The following SARDH variants were observed in gnomAD, a reference collection of about 807,000 sequenced individuals.
SARDH encodes sarcosine dehydrogenase.
Under a neutral mutation model 109.1 loss-of-function variants are expected in SARDH, and 95 were observed. The ratio of observed to expected loss-of-function variants is 0.87; its 90% CI spans 0.74 to 1.03. SARDH has a LOEUF of 1.03. SARDH is among the 50% of genes least tolerant of loss of function. The pLI is 0.00. For missense variants in SARDH, 1,267 were observed against 1,287.8 expected, an observed-to-expected ratio of 0.98 and a Z score of 0.25; for synonymous variants, 572 against 534.8, an observed-to-expected ratio of 1.07 and a Z score of -0.96.
In SARDH at chr9:133,685,248, C is replaced by T. The variant is rs768950787; in HGVS notation, c.2108G>A (p.Ser703Asn). 1.2e-6 allele frequency: 2 copies of T among 1,614,032 alleles called. No individual in the cohort carries two copies. The highest frequency in any genetic ancestry group is 1.7e-6 in the Non-Finnish European group (2 of 1,179,982). The change falls in exon 17 of 21, where the codon AGC (serine) becomes AAC (asparagine). Residue 703 changes from serine (S) to asparagine (N), a missense_variant. By Grantham distance (46) the Ser-to-Asn change is conservative (BLOSUM62 1). Transcript: ENST00000439388. ...ILQEVLDADL[S>N]NEAFPFSTHK... The stretch of plus-strand genomic sequence containing the variant: ...GGTGGAGAACGGGAAGGCCTCGTTG[C>T]TCAGGTCTGCGTCCAGCACCTCCTG...
At chr9:133,680,010 G>T (rs1372535093) in intron 17 of SARDH, among the ~76,000 whole-genome samples, 2 of 152,216 alleles carry the variant, frequency 1.3e-5, no homozygotes, top group Non-Finnish European at 2.9e-5. Context: ...ATAAATACCT[G>T]GCTCAGGCCC....
chr9:133,732,547 G>A lies in SARDH; in HGVS notation c.386C>T (p.Thr129Ile), dbSNP rs746276632. The change falls in exon 3 of 21, where the codon ACT becomes ATT. Residue 129 changes from threonine (T) to isoleucine (I), a missense_variant. By Grantham distance (89) the Thr-to-Ile change is moderately conservative. Transcript: ENST00000439388. Reference sequence around the variant, plus strand: ...CAGCTCCCGGCTCACCACCCGCCGAGTGTGGGCCAGAAGCTCCACCTCCAC... The same window carrying A: ...CAGCTCCCGGCTCACCACCCGCCGAATGTGGGCCAGAAGCTCCACCTCCAC... ...SDVEVELLAHTRRVVSRELEE... is the reference protein window; with the variant it reads ...SDVEVELLAHIRRVVSRELEE... 3 of 1,613,766 alleles carry A rather than the reference G, an allele frequency of 1.9e-6. No homozygotes were observed. The highest frequency in any genetic ancestry group is 1.7e-6 in the Non-Finnish European group (2 of 1,179,834).
intron 6 of SARDH, among the ~76,000 whole-genome samples, chr9:133,726,950 T>A (rs1315587016): frequency 6.6e-6 from 1 of 152,180 alleles, no homozygotes; most frequent in Non-Finnish European, 1.5e-5. Flanking sequence ...GGGATGGTTA[T>A]GACCCATTTT....
rs373609011 is a variant in SARDH at position 133,713,041 on chromosome 9, C to T, written c.1234G>A (p.Ala412Thr). 87 of 1,610,300 alleles carry T rather than the reference C, an allele frequency of 5.4e-5. No individual in the cohort carries two copies. The highest frequency in any genetic ancestry group is 1.2e-4 in the Admixed American group (7 of 59,630). The change falls in exon 9 of 21, where the codon GCA (alanine) becomes ACA (threonine). Residue 412 changes from alanine (A) to threonine (T), a missense_variant. By Grantham distance (58) the Ala-to-Thr change is moderately conservative. Transcript: ENST00000439388. Reference protein sequence around the residue: ...GFFLGCGFNSAGMMLGGGCGQ... With the variant: ...GFFLGCGFNSTGMMLGGGCGQ... ...GAGGGCTGCTGCCCGGACTCACCTG[C>T]GCTGTTGAAGCCACAGCCCAGGAAG...
rs182442608 is a variant in SARDH, at chr9:133,718,699, T to C, written c.1020+239A>G. 1.3e-6 allele frequency: 1 copy of C among 779,674 alleles called. No individual in the cohort carries two copies. The highest frequency in any genetic ancestry group is 1.3e-5 in the South Asian group (1 of 74,618). 48.3% of individuals were successfully genotyped at this position (779,674 alleles called of 1,614,324 possible). The stretch of plus-strand genomic sequence containing the variant: ...GTCATCACTCCACACTGCGCAGACC[T>C]TCTCTGTGGATGTTTTGAGGCAAAG... On this transcript the variant is annotated intron_variant, in intron 7 of 20. Coordinates refer to ENST00000439388, the MANE Select transcript of SARDH (RefSeq NM_001134707.2). This position sits in a 1 kb window ranked among gnomAD's most constrained non-coding sequence, Gnocchi z 4.2.
intron 17 of SARDH, among the ~76,000 whole-genome samples, chr9:133,673,847 CAA>C (rs1258651145): frequency 6.6e-6 from 1 of 152,190 alleles, no homozygotes; most frequent in African/African-American, 2.4e-5. Flanking sequence ...CCTGTTCAGA[CAA>C]AGACCCGTCA....
intron 19 of SARDH, among the ~76,000 whole-genome samples, chr9:133,669,737 G>A (rs1407182060): frequency 6.6e-6 from 1 of 152,168 alleles, no homozygotes; most frequent in Non-Finnish European, 1.5e-5. Context: ...GCACCATGTG[G>A]TCTCCATTCG....
intron 15 of SARDH, among the ~76,000 whole-genome samples, chr9:133,691,517 A>T (rs1831096514): frequency 1.3e-5 from 2 of 152,120 alleles, no homozygotes; most frequent in South Asian, 4.2e-4. Flanking sequence ...GTGTGGGGGG[A>T]GCTGTGGGCT....
At chr9:133,694,235 G>A (rs944769115) in intron 15 of SARDH, 23 bp downstream of exon 15, 36 of 1,504,604 alleles carry the variant, frequency 2.4e-5, no homozygotes, top group African/African-American at 9.7e-5. Context: ...TCACAGCGCC[G>A]TGTGCACAGA....
At position 133,704,061 on chromosome 9, in the gene SARDH, G is replaced by A. The variant is rs1188614541; in HGVS notation, c.1554+887C>T. Among the ~76,000 whole-genome samples the A allele has an allele frequency of 6.6e-6, 1 of 152,098 alleles. No homozygotes were observed. Among genetic ancestry groups the A allele is most frequent in the Non-Finnish European group, 1.5e-5 (1 of 67,998 alleles). On this transcript the variant is annotated intron_variant, in intron 12 of 20. Transcript: ENST00000439388. The surrounding 1 kb of genome is among the most constrained non-coding windows in gnomAD (Gnocchi z 4.5). The stretch of plus-strand genomic sequence containing the variant: ...TGGGTTGCACTTCAAGACAGGGTCT[G>A]CCCAGACCCCTCCTCCCCGCAGGGT...
chr9:133,690,702 T>C (rs1002626410), intron 15 of SARDH, among the ~76,000 whole-genome samples, 175 bp from the exon 16 acceptor site: 2 of 152,006 alleles, frequency 1.3e-5, no homozygotes, highest in Admixed American at 6.5e-5. Flanking sequence ...GGCCACGCCT[T>C]GCAGAGTATC....
intron 1 of SARDH, among the ~76,000 whole-genome samples, chr9:133,734,452 T>TTCAC (rs1832813129): frequency 6.9e-6 from 1 of 145,358 alleles, no homozygotes; most frequent in Non-Finnish European, 1.5e-5. Flanking sequence ...CATTCATTCA[T>TTCAC]TCATTCACTC....
chr9:133,689,025 C>T (rs1306862872), intron 16 of SARDH, among the ~76,000 whole-genome samples: 4 of 152,168 alleles, frequency 2.6e-5, no homozygotes, highest in African/African-American at 7.2e-5. Flanking sequence ...TAGGACTCAG[C>T]GTGGGGTGCC....
intron 6 of SARDH, among the ~76,000 whole-genome samples, chr9:133,724,872 C>A (rs1006732885): frequency 6.6e-6 from 1 of 152,092 alleles, no homozygotes. Flanking sequence ...TTTGGATTTT[C>A]GGATTTGGGG....
chr9:133,731,510 T>G (rs1323049772), intron 3 of SARDH, 26 bp from the exon 4 acceptor site: 1 of 1,611,622 alleles, frequency 6.2e-7, no homozygotes, highest in Admixed American at 1.7e-5. Context: ...GGAGGTTAAC[T>G]GAGTCCGTGG....
chr9:133,732,759 A>G (rs1210011611), intron 2 of SARDH, among the ~76,000 whole-genome samples, 158 bp from the exon 3 acceptor site: 1 of 152,170 alleles, frequency 6.6e-6, no homozygotes, highest in East Asian at 1.9e-4. Context: ...GTTGTTGAGC[A>G]GAAAATAACT....
chr9:133,674,578 G>C (rs774500149), intron 17 of SARDH, among the ~76,000 whole-genome samples: 3 of 152,228 alleles, frequency 2.0e-5, no homozygotes, highest in African/African-American at 7.2e-5. Flanking sequence ...AGAAAGTGAA[G>C]TCAAATGAAC....
downstream of SARDH, among the ~76,000 whole-genome samples, chr9:133,659,853 A>G (rs1188922191): frequency 2.4e-4 from 37 of 152,288 alleles, no homozygotes; most frequent in East Asian, 6.8e-3. Context: ...AGCAGGCCCA[A>G]GAAGCCTCTT....
upstream of SARDH, chr9:133,738,363 C>T (rs1038582173): frequency 1.3e-5 from 2 of 152,168 alleles, no homozygotes; most frequent in Non-Finnish European, 2.9e-5. Context: ...AGGCCTCCCC[C>T]GCCCCCCACC....
Sources: allele counts gnomAD v4.1 joint callset (sites outside exome capture counted in the v4.1 genomes callset), GRCh38; gene constraint gnomAD v4.1.1; non-coding constraint Gnocchi (gnomAD v3.1); transcripts MANE v1.5; gene names NCBI Gene and HGNC (gene_info 2026-07-23, HGNC 2026-07-21).